Variants in STAG2 observed in about 807,000 individuals in gnomAD.
STAG2 encodes STAG2 cohesin complex component.
In STAG2, 14 loss-of-function variants were observed where a neutral mutation model predicts 108.1. The ratio of observed to expected loss-of-function variants is 0.13; its 90% confidence interval spans 0.09 to 0.20. The LOEUF (loss-of-function observed/expected upper bound fraction) is 0.20, where lower values mean the gene tolerates loss of function less well. Among genes scored for constraint, STAG2 ranks in the 10% least tolerant of loss-of-function variants. The pLI is 1.00. For missense variants in STAG2, 440 were observed against 940.9 expected (o/e 0.47, Z 6.96); for synonymous variants, 307 against 302.7 (o/e 1.01, Z -0.15).
At chrX:123,990,177 T>C (rs893842333) in intron 1 of STAG2, among the ~76,000 whole-genome samples, 2 of 111,897 alleles carry the variant, frequency 1.8e-5, no homozygotes, top group Non-Finnish European at 3.8e-5. Context: ...CAGGATCTTC[T>C]GGGGTCCAAA....
At chrX:124,095,834 A>G (rs917177909) in intron 34 of STAG2, among the ~76,000 whole-genome samples, 3 of 110,385 alleles carry the variant, frequency 2.7e-5, no homozygotes, top group Middle Eastern at 4.2e-3. Context: ...GCGTCATATA[A>G]AGGCATGGTG....
At chrX:123,964,381 T>G (rs1448195252) in intron 1 of STAG2, among the ~76,000 whole-genome samples, 1 of 112,472 alleles carries the variant, frequency 8.9e-6, no homozygotes, top group Non-Finnish European at 1.9e-5. Flanking sequence ...TTTAATTCTT[T>G]GAAAACAGGA....
chrX:123,960,636 A>G (rs2053805442), upstream of STAG2: 3 of 103,489 alleles, frequency 2.9e-5, no homozygotes, highest in Admixed American at 3.2e-4. Flanking sequence ...AAAAAAAAAA[A>G]AAAAAAAGAA....
intron 25 of STAG2, among the ~76,000 whole-genome samples, chrX:124,071,566 T>TA (rs2058665079): frequency 9.0e-6 from 1 of 111,658 alleles, no homozygotes; most frequent in South Asian, 3.7e-4. Flanking sequence ...CTTTCTAATT[T>TA]CTAACTACCT....
intron 1 of STAG2, among the ~76,000 whole-genome samples, chrX:123,982,098 T>C (rs1323044853): frequency 9.3e-6 from 1 of 107,861 alleles, no homozygotes; most frequent in Non-Finnish European, 1.9e-5. Context: ...CCCAGCACTT[T>C]GGGAGGCTAA....
intron 13 of STAG2, among the ~76,000 whole-genome samples, chrX:124,054,999 T>C (rs1172474553): frequency 1.8e-5 from 2 of 111,081 alleles, no homozygotes; most frequent in Non-Finnish European, 3.8e-5. Context: ...ACACCTGGGC[T>C]CAAGTGATCC....
At chrX:124,086,328 A>G (rs1419113617) in intron 29 of STAG2, among the ~76,000 whole-genome samples, 2 of 111,564 alleles carry the variant, frequency 1.8e-5, no homozygotes, top group Admixed American at 1.9e-4. Context: ...GTATCTATCC[A>G]TAGTGCCTGG....
At chrX:123,983,423 G>A (rs1021732323) in intron 1 of STAG2, among the ~76,000 whole-genome samples, 2 of 111,150 alleles carry the variant, frequency 1.8e-5, no homozygotes, top group African/African-American at 6.6e-5. Flanking sequence ...GCCAATTCGT[G>A]GATGAGCTGA....
chrX:124,009,404 TAGG>T (rs2056425512), intron 1 of STAG2, among the ~76,000 whole-genome samples: 1 of 76,961 alleles, frequency 1.3e-5, no homozygotes, highest in Non-Finnish European at 2.6e-5. Flanking sequence ...GGTAGGTAGG[TAGG>T]TAGGTAGGTA....
intron 9 of STAG2, among the ~76,000 whole-genome samples, chrX:124,048,444 T>C (rs1176610711): frequency 9.0e-6 from 1 of 111,255 alleles, no homozygotes; most frequent in African/African-American, 3.3e-5. Flanking sequence ...CTTTACAGTG[T>C]TTTTTTTGGA....
At chrX:124,058,600 C>T (rs1296089794) in intron 15 of STAG2, among the ~76,000 whole-genome samples, 1 of 112,375 alleles carries the variant, frequency 8.9e-6, no homozygotes, top group Admixed American at 9.4e-5. Context: ...CTTTCAAAGC[C>T]TCAGTTTCCT....
chrX:124,084,538 A>G (rs1007583715), intron 29 of STAG2, among the ~76,000 whole-genome samples: 8 of 110,066 alleles, frequency 7.3e-5, no homozygotes, highest in African/African-American at 2.3e-4. Flanking sequence ...GGCTAGTCTC[A>G]AACTCGTGAC....
intron 4 of STAG2, among the ~76,000 whole-genome samples, chrX:124,028,822 A>ATATTTTTTTTT (rs1296806013): frequency 2.6e-5 from 1 of 38,974 alleles, no homozygotes; most frequent in African/African-American, 1.1e-4. Context: ...ATATATATAT[A>ATATTTTTTTTT]TTTTTTTTTT....
Position 124,060,644 on chromosome X carries a change from C to T in STAG2, c.1417-580C>T, listed in dbSNP as rs1010037172. ...TCTTTTTATAAAATACTTTTCAGGACGGGTGCAGTGGCTCACACCTGTAAT... is the reference window on the plus strand; with the variant it reads ...TCTTTTTATAAAATACTTTTCAGGATGGGTGCAGTGGCTCACACCTGTAAT... On this transcript the variant is annotated intron_variant, in intron 15 of 34. Transcript: ENST00000371145. Among the ~76,000 whole-genome samples, 8 of 110,403 alleles carry T rather than the reference C, an allele frequency of 7.2e-5. No individual in the cohort carries two copies. In the East Asian group the frequency reaches 1.4e-3, roughly 20 times the overall value.
At chrX:124,016,995 A>G (rs1266487605) in intron 1 of STAG2, among the ~76,000 whole-genome samples, 1 of 111,044 alleles carries the variant, frequency 9.0e-6, no homozygotes, top group South Asian at 3.8e-4. Context: ...TGTTAAGGGT[A>G]TGGCATGTGG....
chrX:123,980,382 GGTAGGAGA>G (rs1376731973), intron 1 of STAG2, among the ~76,000 whole-genome samples: 1 of 111,013 alleles, frequency 9.0e-6, no homozygotes, highest in Non-Finnish European at 1.9e-5. Context: ...TGGTCAAAGA[GGTAGGAGA>G]AAATTTAGGA....
intron 1 of STAG2, among the ~76,000 whole-genome samples, chrX:123,983,446 T>C (rs1231116004): frequency 9.0e-6 from 1 of 111,166 alleles, no homozygotes; most frequent in African/African-American, 3.3e-5. Context: ...TCAAGTGTTT[T>C]GTAAATAGAG....
intron 1 of STAG2, chrX:124,003,691 T>C (rs2056160228): frequency 9.0e-6 from 1 of 111,064 alleles, no homozygotes; most frequent in Admixed American, 9.6e-5. Context: ...CTCAAAGTGC[T>C]GGGATTACAG....
chrX:124,062,309 C>G (rs1339285423), intron 17 of STAG2, among the ~76,000 whole-genome samples: 1 of 111,942 alleles, frequency 8.9e-6, no homozygotes, highest in African/African-American at 3.2e-5. Flanking sequence ...ACCAACAATT[C>G]CACAGGCTTT....
Sources: allele counts gnomAD v4.1 joint callset (sites outside exome capture counted in the v4.1 genomes callset), GRCh38; gene constraint gnomAD v4.1.1; transcripts MANE v1.5; gene names NCBI Gene and HGNC (gene_info 2026-07-23, HGNC 2026-07-21).